The following QTMAN variants were observed in gnomAD, a reference collection of about 807,000 sequenced individuals.
The protein encoded by QTMAN is queuosine-tRNA mannosyltransferase.
At chr2:143,938,107 G>T in the QTMAN span, 2 of 152,130 alleles carry the variant, frequency 1.3e-5, no homozygotes, top group Non-Finnish European at 2.9e-5. Context: ...TTATTGGCCT[G>T]GTATCACAGC....
the QTMAN span, among the ~76,000 whole-genome samples, chr2:144,226,265 G>A: frequency 1.3e-5 from 2 of 152,114 alleles, no homozygotes; most frequent in Non-Finnish European, 2.9e-5. Context: ...GCATTATCAA[G>A]GGATACTTAC....
At chr2:144,111,272 G>A in the QTMAN span, among the ~76,000 whole-genome samples, 3 of 152,122 alleles carry the variant, frequency 2.0e-5, no homozygotes, top group Admixed American at 1.3e-4. Context: ...TCCATGAGAA[G>A]CCCTGGCTAT....
At chr2:144,293,462 A>G in the QTMAN span, among the ~76,000 whole-genome samples, 1 of 152,194 alleles carries the variant, frequency 6.6e-6, no homozygotes, top group Non-Finnish European at 1.5e-5. Context: ...GGGTCTCAAA[A>G]TTCAGGTAGG....
chr2:144,069,896 C>T, the QTMAN span, among the ~76,000 whole-genome samples: 1 of 151,944 alleles, frequency 6.6e-6, no homozygotes, highest in African/African-American at 2.4e-5. Flanking sequence ...ATATATATTT[C>T]CCCATTTCAC....
the QTMAN span, chr2:144,145,863 T>C: frequency 1.2e-5 from 8 of 644,634 alleles, no homozygotes; most frequent in Non-Finnish European, 1.8e-5. Flanking sequence ...GACACATCAA[T>C]AGTTGAGGCT....
the QTMAN span, among the ~76,000 whole-genome samples, chr2:144,305,236 T>C: frequency 1.8e-4 from 27 of 152,234 alleles, no homozygotes; most frequent in Admixed American, 3.3e-4. Context: ...GTTTTAGTTC[T>C]TTCATTTGGG....
chr2:144,134,102 G>C, the QTMAN span, among the ~76,000 whole-genome samples: 1 of 152,106 alleles, frequency 6.6e-6, no homozygotes, highest in Non-Finnish European at 1.5e-5. Context: ...GGGAGCCACG[G>C]GGGCTGCCTT....
the QTMAN span, among the ~76,000 whole-genome samples, chr2:143,996,245 G>C: frequency 1.3e-5 from 2 of 152,232 alleles, no homozygotes; most frequent in African/African-American, 4.8e-5. Context: ...TGTCTGTCCA[G>C]CGAGGAGGAA....
At chr2:144,160,887 A>G in the QTMAN span, among the ~76,000 whole-genome samples, 2 of 152,190 alleles carry the variant, frequency 1.3e-5, no homozygotes, top group Non-Finnish European at 2.9e-5. Flanking sequence ...AAGCAGGAAT[A>G]GATGGTCTGG....
At chr2:144,112,507 G>GA in the QTMAN span, among the ~76,000 whole-genome samples, 2 of 152,198 alleles carry the variant, frequency 1.3e-5, no homozygotes, top group Non-Finnish European at 2.9e-5. Flanking sequence ...ACAGCCCCTA[G>GA]AAAAATCTAT....
the QTMAN span, among the ~76,000 whole-genome samples, chr2:144,110,415 T>C: frequency 3.3e-5 from 5 of 152,048 alleles, no homozygotes; most frequent in Admixed American, 3.3e-4. Flanking sequence ...GGGGGAAGGA[T>C]AGCATTAGGA....
chr2:144,133,884 CT>C, the QTMAN span, among the ~76,000 whole-genome samples: 1 of 151,988 alleles, frequency 6.6e-6, no homozygotes, highest in Non-Finnish European at 1.5e-5. Flanking sequence ...TTTTCTTCTA[CT>C]TTAGCTTCAG....
chr2:144,037,462 G>A, the QTMAN span, among the ~76,000 whole-genome samples: 1 of 152,120 alleles, frequency 6.6e-6, no homozygotes, highest in Non-Finnish European at 1.5e-5. Context: ...TTGGGAGGAG[G>A]GATGTACACC....
the QTMAN span, among the ~76,000 whole-genome samples, chr2:144,159,033 T>C: frequency 6.6e-6 from 1 of 152,002 alleles, no homozygotes. Flanking sequence ...TAGCAAAAGA[T>C]TGGTTGATTT....
the QTMAN span, among the ~76,000 whole-genome samples, chr2:144,273,277 CT>C: frequency 6.6e-5 from 10 of 151,834 alleles, no homozygotes; most frequent in African/African-American, 2.4e-4. Flanking sequence ...AATGCATTCT[CT>C]TTTTTTTCTA....
the QTMAN span, chr2:143,941,250 G>A: frequency 6.6e-6 from 1 of 152,332 alleles, no homozygotes; most frequent in South Asian, 2.1e-4. Flanking sequence ...GAGGGCCAGG[G>A]AAGTTACCTA....
the QTMAN span, among the ~76,000 whole-genome samples, chr2:144,280,155 T>C: frequency 1.3e-5 from 2 of 152,274 alleles, no homozygotes; most frequent in African/African-American, 4.8e-5. Flanking sequence ...AGTGTATTTC[T>C]AGATGATGAT....
chr2:143,976,255 A>C, the QTMAN span, among the ~76,000 whole-genome samples: 1 of 152,100 alleles, frequency 6.6e-6, no homozygotes, highest in Non-Finnish European at 1.5e-5. Context: ...TAACATTTCC[A>C]GATCATTAAA....
chr2:144,096,124 T>C, the QTMAN span, among the ~76,000 whole-genome samples: 2 of 152,264 alleles, frequency 1.3e-5, no homozygotes, highest in South Asian at 4.1e-4. Flanking sequence ...TCTTGAAGAA[T>C]ATTTCTTTGC....
Sources: allele counts gnomAD v4.1 joint callset (sites outside exome capture counted in the v4.1 genomes callset), GRCh38; gene constraint gnomAD v4.1.1; transcripts MANE v1.5; gene names NCBI Gene and HGNC (gene_info 2026-07-23, HGNC 2026-07-21).